FGF13: variants seen among roughly 807,000 people sequenced by gnomAD.
The protein encoded by FGF13 is fibroblast growth factor homologous factor 2.
In FGF13, 2 loss-of-function variants were observed where a neutral mutation model predicts 19.5. That is an observed-to-expected ratio of 0.10 (90% CI 0.04 to 0.32). The LOEUF (loss-of-function observed/expected upper bound fraction) is 0.32, where lower values mean the gene tolerates loss of function less well. Ranked by LOEUF, FGF13 falls within the 10% of genes least tolerant of loss-of-function variation. The pLI is 1.00. For synonymous variants in FGF13, 72 were observed against 76.9 expected (o/e 0.94, Z 0.33); for missense variants, 113 against 192.7 (o/e 0.59, Z 2.45).
chrX:138,684,681 A>G (rs1364146883), intron 3 of FGF13, among the ~76,000 whole-genome samples: 1 of 111,933 alleles, frequency 8.9e-6, no homozygotes, highest in African/African-American at 3.2e-5. Flanking sequence ...TCAAGAACAC[A>G]AAATGAGGCA....
rs182778305 is a variant in FGF13, at chrX:138,798,591, G to A, written c.217+58921C>T. Among the ~76,000 whole-genome samples, 730 of 111,672 alleles carry A rather than the reference G, an allele frequency of 6.5e-3. 4 individuals carry two copies. Among genetic ancestry groups the A allele is most frequent in the Non-Finnish European group, 0.011 (568 of 53,069 alleles). On this transcript the variant is annotated intron_variant, in intron 3 of 6. Transcript: ENST00000436198. ...GATGCTGGCCTCATAAAATGAGTTC[G>A]GGAGGAGTCCCTCTTTTTTTATTGA...
chrX:138,988,387 G>A (rs2092001887), intron 1 of FGF13, among the ~76,000 whole-genome samples: 1 of 112,268 alleles, frequency 8.9e-6, no homozygotes, highest in African/African-American at 3.2e-5. Context: ...ATGAACAAAT[G>A]AATAACTGAA....
intron 1 of FGF13, among the ~76,000 whole-genome samples, chrX:138,880,062 C>T (rs1195472858): frequency 8.9e-5 from 10 of 111,853 alleles, no homozygotes; most frequent in African/African-American, 3.3e-4. Context: ...TTCATGTGAC[C>T]AACAAACGTA....
At chrX:138,901,057 A>G (rs1008548635) in intron 1 of FGF13, among the ~76,000 whole-genome samples, 2 of 111,750 alleles carry the variant, frequency 1.8e-5, no homozygotes, top group Non-Finnish European at 3.8e-5. Context: ...AACATTGATG[A>G]CTTTTAGACA....
intron 1 of FGF13, among the ~76,000 whole-genome samples, chrX:139,181,501 T>C (rs1188285101): frequency 8.9e-6 from 1 of 112,745 alleles, no homozygotes; most frequent in African/African-American, 3.2e-5. Context: ...TTTGGCCAAG[T>C]GGCAAATTGA....
At position 138,687,992 on chromosome X, in the gene FGF13, C is replaced by T. The variant is rs190471330; in HGVS notation, c.402+14992G>A. ...TTTGAGACGGAGTCTTGCTCTGTTG[C>T]CCAGACTGGAGTGCAGTGAGTGGCA... is the stretch of plus-strand genomic sequence containing the variant. On this transcript the variant is annotated intron_variant, in intron 3 of 4. Transcript: ENST00000315930. Among the ~76,000 whole-genome samples, 698 of 105,991 alleles carry T rather than the reference C, an allele frequency of 6.6e-3. 25 individuals are homozygous for T. Among genetic ancestry groups the T allele is most frequent in the Admixed American group, 0.064 (626 of 9,805 alleles). The allele number at this position is 105,991 out of a possible 115,157, so 92.0% of individuals were successfully genotyped here.
chrX:139,194,211 G>T (rs1835464817), intron 1 of FGF13, among the ~76,000 whole-genome samples: 1 of 111,582 alleles, frequency 9.0e-6, no homozygotes, highest in East Asian at 2.8e-4. Flanking sequence ...GGAAGTTATC[G>T]TGTATGTGCC....
chrX:138,736,843 C>T (rs1029282567), intron 1 of FGF13, among the ~76,000 whole-genome samples: 2 of 109,243 alleles, frequency 1.8e-5, no homozygotes, highest in Non-Finnish European at 3.8e-5. Context: ...TAGGAATAGC[C>T]ACTGAATAGA....
intron 3 of FGF13, among the ~76,000 whole-genome samples, chrX:138,645,130 T>G (rs953184248): frequency 1.8e-5 from 2 of 111,727 alleles, no homozygotes; most frequent in African/African-American, 6.5e-5. Flanking sequence ...TCCCAGGCAC[T>G]GTGACAGCCC....
intron 3 of FGF13, among the ~76,000 whole-genome samples, chrX:138,786,000 C>G (rs1480780734): frequency 8.9e-6 from 1 of 112,076 alleles, no homozygotes; most frequent in Non-Finnish European, 1.9e-5. Context: ...ACTTTGCTTT[C>G]AAATATACAT....
chrX:138,769,439 C>A (rs1287555711), intron 3 of FGF13, among the ~76,000 whole-genome samples: 1 of 111,794 alleles, frequency 8.9e-6, no homozygotes, highest in Non-Finnish European at 1.9e-5. Flanking sequence ...TCACGAAGGA[C>A]AAATGAGATA....
chrX:138,662,930 C>T (rs908144613), intron 3 of FGF13, among the ~76,000 whole-genome samples: 1 of 111,061 alleles, frequency 9.0e-6, no homozygotes, highest in Non-Finnish European at 1.9e-5. Flanking sequence ...TTCACATTTC[C>T]TTTTTTATTG....
At chrX:138,893,883 A>T in intron 1 of FGF13, among the ~76,000 whole-genome samples, 1 of 111,420 alleles carries the variant, frequency 9.0e-6, no homozygotes, top group Non-Finnish European at 1.9e-5. Flanking sequence ...CACTAATCAG[A>T]GTCATGATCT....
intron 1 of FGF13, among the ~76,000 whole-genome samples, chrX:139,064,639 T>A (rs1349903630): frequency 9.0e-6 from 1 of 111,293 alleles, no homozygotes; most frequent in African/African-American, 3.3e-5. Context: ...GTGAATCTGA[T>A]GATTATGTGT....
chrX:139,093,203 T>C (rs1382194867), intron 1 of FGF13, among the ~76,000 whole-genome samples: 5 of 112,293 alleles, frequency 4.5e-5, no homozygotes, highest in Non-Finnish European at 9.4e-5. Flanking sequence ...GTTGGTCAGC[T>C]TTCTGCAACA....
rs189353152 is a variant in FGF13 at position 139,059,360 on chromosome X, C to A, written c.-113+144056G>T. ...ACCAGACAGTATACCTGAGTCACTG[C>A]CACAATAATAGATGGTCTTAACACC... On this transcript the variant is annotated intron_variant, in intron 1 of 2. Coordinates refer to the FGF13 transcript ENST00000421460. 1.4e-4 allele frequency among the ~76,000 whole-genome samples: 15 copies of A among 109,603 alleles called. No individual in the cohort carries two copies. The East Asian group carries it at 3.2e-3, about 23-fold the overall frequency.
chrX:139,099,100 C>A (rs2083489636), intron 1 of FGF13, among the ~76,000 whole-genome samples: 1 of 110,446 alleles, frequency 9.1e-6, no homozygotes, highest in African/African-American at 3.3e-5. Context: ...CATCTCACCT[C>A]GGTTTGCTTC....
At chrX:139,172,420 A>G (rs1225691262) in intron 1 of FGF13, among the ~76,000 whole-genome samples, 2 of 111,040 alleles carry the variant, frequency 1.8e-5, no homozygotes, top group African/African-American at 6.6e-5. Context: ...TCCTACTCAC[A>G]TTGGCTTACA....
At chrX:138,745,842 A>G (rs991166639) in intron 3 of FGF13, among the ~76,000 whole-genome samples, 4 of 111,703 alleles carry the variant, frequency 3.6e-5, no homozygotes, top group Non-Finnish European at 7.5e-5. Flanking sequence ...AGATACCTGC[A>G]GAAGGCAATC....
Sources: gnomAD v4.1 joint callset for allele counts (sites outside exome capture counted in the v4.1 genomes callset) on GRCh38, gnomAD v4.1.1 for gene constraint, MANE v1.5 for transcripts, NCBI Gene and HGNC (gene_info 2026-07-23, HGNC 2026-07-21) for gene names.